The following MIER2 variants were observed in gnomAD, a reference collection of about 807,000 sequenced individuals.
MIER2 encodes the protein MIER family member 2, also known as mesoderm induction early response protein 2.
In MIER2, 30 loss-of-function variants were observed where a neutral mutation model predicts 67.6. The observed-to-expected ratio is 0.44, with a 90% CI of 0.33 to 0.60. The LOEUF is 0.60. MIER2 is among the 20% of genes least tolerant of loss of function. The pLI is 0.02. For synonymous variants in MIER2, 372 were observed against 312.6 expected, an observed-to-expected ratio of 1.19 and a Z score of -2.00; for missense variants, 702 against 745.1, an observed-to-expected ratio of 0.94 and a Z score of 0.67.
At chr19:342,920 A>G (rs1214808177) in intron 1 of MIER2, among the ~76,000 whole-genome samples, 2 of 152,122 alleles carry the variant, frequency 1.3e-5, no homozygotes, top group Admixed American at 6.5e-5. Flanking sequence ...CACACAGAAC[A>G]AGTCCGGTGG....
chr19:333,121 T>C, intron 3 of MIER2, among the ~76,000 whole-genome samples: 1 of 90,886 alleles, frequency 1.1e-5, no homozygotes, highest in Non-Finnish European at 2.0e-5. Context: ...GCCTCCCGAG[T>C]AGCTGGGACT....
chr19:336,396 G>A lies in MIER2; in HGVS notation c.10-223C>T, dbSNP rs531971799. Among the ~76,000 whole-genome samples, 28 of 152,370 alleles carry A rather than the reference G, an allele frequency of 1.8e-4. 1 individual carries two copies. The East Asian group carries it at 4.1e-3, about 22-fold the overall frequency. On this transcript the variant is annotated intron_variant, in intron 1 of 13. Coordinates refer to ENST00000264819, the MANE Select transcript of MIER2 (RefSeq NM_017550.3). ...CAAGGACCGCTCACAGGGTGGAGGC[G>A]TTCTCGCCCAGGGCAGGACATGCAT... is the stretch of plus-strand genomic sequence containing the variant.
At chr19:323,801 G>A (rs1437384955) in intron 7 of MIER2, among the ~76,000 whole-genome samples, 4 of 149,998 alleles carry the variant, frequency 2.7e-5, no homozygotes, top group East Asian at 2.0e-4. Context: ...TGACACAGAC[G>A]TCATCACAAT....
intron 7 of MIER2, among the ~76,000 whole-genome samples, chr19:316,256 C>T (rs1971229048): frequency 6.6e-6 from 1 of 152,054 alleles, no homozygotes; most frequent in African/African-American, 2.4e-5. Flanking sequence ...AAAGAATGTT[C>T]ACTGTTTAAA....
At chr19:330,878 G>A (rs1204570609) in intron 3 of MIER2, among the ~76,000 whole-genome samples, 3 of 152,160 alleles carry the variant, frequency 2.0e-5, no homozygotes, top group African/African-American at 7.2e-5. Context: ...TACGGTCTCA[G>A]ATTCCACTCC....
chr19:307,017 G>C, intron 13 of MIER2, 102 bp downstream of exon 13: 1 of 1,364,086 alleles, frequency 7.3e-7, no homozygotes, highest in Non-Finnish European at 9.9e-7. Context: ...ACTGTCCTCG[G>C]GTCCTTGGGG....
chr19:308,020 T>C lies in MIER2; in HGVS notation c.1199-484A>G, dbSNP rs1970742745. On this transcript the variant is annotated intron_variant, in intron 12 of 13. Coordinates refer to ENST00000264819, the MANE Select transcript of MIER2 (RefSeq NM_017550.3). The surrounding 1 kb of genome is among the most constrained non-coding windows in gnomAD (Gnocchi z 9.1). ...CATGGAAACAACCAGACTCTGGAAATGGGGGACCCTCCCAGACTCAACCAT... is the reference window on the plus strand; with the variant it reads ...CATGGAAACAACCAGACTCTGGAAACGGGGGACCCTCCCAGACTCAACCAT... 2.6e-5 allele frequency among the ~76,000 whole-genome samples: 4 copies of C among 152,178 alleles called. No homozygotes were observed. Among genetic ancestry groups the C allele is most frequent in the Middle Eastern group, 3.4e-3 (1 of 294 alleles).
At chr19:329,502 C>A (rs910673327) in intron 3 of MIER2, among the ~76,000 whole-genome samples, 1 of 152,156 alleles carries the variant, frequency 6.6e-6, no homozygotes, top group Non-Finnish European at 1.5e-5. Flanking sequence ...GAGCCCAGTG[C>A]CCGTGGAAGC....
intron 7 of MIER2, among the ~76,000 whole-genome samples, chr19:317,177 G>A (rs545965400): frequency 6.6e-5 from 10 of 152,118 alleles, no homozygotes; most frequent in South Asian, 6.2e-4. Context: ...GGCGGATCAC[G>A]AGGTCAGGAG....
Position 344,030 on chromosome 19 carries a change from T to G in MIER2, c.9+744A>C, listed in dbSNP as rs145279544. ...CCACAGATCCTCAAATTGGAAAAAT[T>G]CTGGATTCCAAAATATAGCTGGTCC... On this transcript the variant is annotated intron_variant, in intron 1 of 13. Coordinates refer to ENST00000264819, the MANE Select transcript of MIER2 (RefSeq NM_017550.3). The G allele has an allele frequency of 1.1e-3, 1,081 of 985,398 alleles. 13 individuals are homozygous for G. The African/African-American group carries it at 0.018, about 16-fold the overall frequency. The allele number at this position is 985,398 out of a possible 1,614,324, so 61.0% of individuals were successfully genotyped here.
intron 7 of MIER2, among the ~76,000 whole-genome samples, chr19:323,761 C>T (rs1023551140): frequency 8.6e-5 from 13 of 151,242 alleles, no homozygotes; most frequent in Non-Finnish European, 1.6e-4. Context: ...ATGCAATACA[C>T]AGGACACACA....
chr19:318,018 A>G (rs1461299763), intron 7 of MIER2, among the ~76,000 whole-genome samples: 1 of 152,014 alleles, frequency 6.6e-6, no homozygotes, highest in African/African-American at 2.4e-5. Context: ...AGCCTGGCCA[A>G]CATGGTGAAA....
intron 9 of MIER2, 64 bp downstream of exon 9, chr19:312,127 G>C (rs1444012897): frequency 1.8e-6 from 2 of 1,102,330 alleles, no homozygotes; most frequent in Non-Finnish European, 2.5e-6. Context: ...CCCAGGCCGG[G>C]GAGAACGGTC....
In MIER2 at chr19:344,784, G is replaced by T. The variant is rs900781812; in HGVS notation, c.-2C>A. 1.7e-6 allele frequency: 2 copies of T among 1,196,124 alleles called. No individual in the cohort carries two copies. The highest frequency in any genetic ancestry group is 7.0e-5 in the East Asian group (2 of 28,494). The allele number at this position is 1,196,124 out of a possible 1,614,324, so 74.1% of individuals were successfully genotyped here. ...GGCCCGCTCACTCACCTCCGCCATG[G>T]CCGTGTGTGCGCGGGAGGCGGTGGC... On this transcript the variant is annotated 5_prime_UTR_variant, in exon 1 of 14. Transcript: ENST00000264819.
At chr19:330,662 G>A (rs911020041) in intron 3 of MIER2, among the ~76,000 whole-genome samples, 2 of 152,108 alleles carry the variant, frequency 1.3e-5, no homozygotes, top group Non-Finnish European at 2.9e-5. Context: ...ATTTACAGAG[G>A]TAATTAAGGT....
intron 1 of MIER2, among the ~76,000 whole-genome samples, chr19:337,107 G>C (rs1245861734): frequency 1.3e-5 from 2 of 152,122 alleles, no homozygotes; most frequent in Admixed American, 1.3e-4. Context: ...GCCTCCCAAA[G>C]TGCTGGCATT....
intron 7 of MIER2, among the ~76,000 whole-genome samples, chr19:314,869 C>T (rs1349993503): frequency 6.6e-6 from 1 of 151,952 alleles, no homozygotes; most frequent in East Asian, 1.9e-4. Context: ...GTGGGAGGAT[C>T]GGTTGAGGCC....
chr19:339,941 G>T (rs1972429703), intron 1 of MIER2, among the ~76,000 whole-genome samples: 1 of 152,156 alleles, frequency 6.6e-6, no homozygotes, highest in South Asian at 2.1e-4. Context: ...CACTGAACTG[G>T]ACACATTAAA....
intron 2 of MIER2, among the ~76,000 whole-genome samples, chr19:334,815 C>T (rs1972168709): frequency 6.6e-6 from 1 of 152,102 alleles, no homozygotes; most frequent in Admixed American, 6.6e-5. Context: ...GAGAAGCCTG[C>T]GAGGATTTGG....
Sources: gnomAD v4.1 joint callset for allele counts (sites outside exome capture counted in the v4.1 genomes callset) on GRCh38, gnomAD v4.1.1 for gene constraint, Gnocchi (gnomAD v3.1) non-coding constraint, MANE v1.5 for transcripts, NCBI Gene and HGNC (gene_info 2026-07-23, HGNC 2026-07-21) for gene names.